The following GSK3B variants were observed in gnomAD, a reference collection of about 807,000 sequenced individuals.
GSK3B encodes the protein glycogen synthase kinase 3 beta.
GSK3B carries 15 observed loss-of-function variants against 56.4 expected under a neutral mutation model. The observed-to-expected ratio is 0.27, with a 90% CI of 0.18 to 0.41. The LOEUF is 0.41. GSK3B is among the 10% of genes least tolerant of loss of function. GSK3B has a pLI of 1.00. For missense variants in GSK3B, 300 were observed against 513.4 expected (o/e 0.58, Z 4.02); for synonymous variants, 181 against 188.9 (o/e 0.96, Z 0.34).
intron 9 of GSK3B, among the ~76,000 whole-genome samples, chr3:119,848,419 G>T (rs1387463065): frequency 6.7e-6 from 1 of 149,754 alleles, no homozygotes; most frequent in Non-Finnish European, 1.5e-5. Context: ...TTCAAGAAAA[G>T]CTTTTTTTTT....
At chr3:119,868,059 A>C (rs1011552396) in intron 8 of GSK3B, among the ~76,000 whole-genome samples, 1 of 152,106 alleles carries the variant, frequency 6.6e-6, no homozygotes, top group Non-Finnish European at 1.5e-5. Flanking sequence ...TAAAAACAAA[A>C]CCAAAAGTAA....
chr3:119,951,266 G>A (rs2057153724), intron 2 of GSK3B, among the ~76,000 whole-genome samples: 1 of 152,164 alleles, frequency 6.6e-6, no homozygotes, highest in Non-Finnish European at 1.5e-5. Context: ...CTCACATATA[G>A]GATCATCAAA....
intron 7 of GSK3B, among the ~76,000 whole-genome samples, chr3:119,901,888 C>CT (rs982359282): frequency 2.0e-5 from 3 of 151,918 alleles, no homozygotes; most frequent in Non-Finnish European, 2.9e-5. Context: ...TATCCACTTT[C>CT]TTTTTTTTGC....
intron 2 of GSK3B, among the ~76,000 whole-genome samples, chr3:119,964,809 T>C (rs568316057): frequency 1.3e-5 from 2 of 152,286 alleles, no homozygotes; most frequent in East Asian, 3.9e-4. Flanking sequence ...AATGAAACTT[T>C]TGGAGGCAAT....
At chr3:119,983,017 A>T (rs1441810081) in intron 2 of GSK3B, among the ~76,000 whole-genome samples, 1 of 152,222 alleles carries the variant, frequency 6.6e-6, no homozygotes, top group Non-Finnish European at 1.5e-5. Flanking sequence ...TCTCGGCAGA[A>T]ACCCTACAAG....
intron 3 of GSK3B, among the ~76,000 whole-genome samples, chr3:119,940,888 C>T (rs754957612): frequency 9.9e-5 from 15 of 152,080 alleles, no homozygotes; most frequent in Admixed American, 2.6e-4. Flanking sequence ...TTCATAGAAC[C>T]GTTGTGAAGA....
chr3:120,038,007 T>C (rs923892007), intron 1 of GSK3B, among the ~76,000 whole-genome samples: 1 of 152,230 alleles, frequency 6.6e-6, no homozygotes, highest in Non-Finnish European at 1.5e-5. Flanking sequence ...TGCAAGATAC[T>C]GTACTAAACA....
At chr3:119,856,535 T>A (rs1012084096) in intron 9 of GSK3B, among the ~76,000 whole-genome samples, 4 of 152,200 alleles carry the variant, frequency 2.6e-5, no homozygotes, top group Non-Finnish European at 4.4e-5. Context: ...GCCTAAAATC[T>A]TGAATACAGT....
At chr3:119,846,123 C>A (rs966756789) in intron 9 of GSK3B, among the ~76,000 whole-genome samples, 9 of 152,160 alleles carry the variant, frequency 5.9e-5, no homozygotes, top group African/African-American at 2.2e-4. Flanking sequence ...TGGACCCCTT[C>A]CTTATACCTT....
intron 1 of GSK3B, among the ~76,000 whole-genome samples, chr3:120,047,583 T>C (rs539614404): frequency 5.3e-5 from 8 of 152,362 alleles, no homozygotes; most frequent in East Asian, 1.9e-4. Flanking sequence ...CTGTGTGCTA[T>C]AGAATATGGT....
chr3:119,890,219 AC>A (rs1346291343), intron 7 of GSK3B, among the ~76,000 whole-genome samples: 5 of 152,056 alleles, frequency 3.3e-5, no homozygotes, highest in African/African-American at 1.2e-4. Context: ...AATAACCAAA[AC>A]CCCAAAACAA....
intron 3 of GSK3B, among the ~76,000 whole-genome samples, chr3:119,925,472 C>T (rs2056881520): frequency 6.6e-6 from 1 of 152,182 alleles, no homozygotes; most frequent in Admixed American, 6.5e-5. Context: ...TGCATCACTA[C>T]AAGCACTAAC....
intron 8 of GSK3B, among the ~76,000 whole-genome samples, chr3:119,868,565 C>T (rs1559815729): frequency 6.6e-6 from 1 of 152,176 alleles, no homozygotes; most frequent in Non-Finnish European, 1.5e-5. Flanking sequence ...CTATGGTTAA[C>T]ATGGATCTCA....
intron 8 of GSK3B, among the ~76,000 whole-genome samples, chr3:119,868,354 T>G (rs1470878941): frequency 6.6e-6 from 1 of 152,158 alleles, no homozygotes; most frequent in African/African-American, 2.4e-5. Context: ...ATTGAACAAA[T>G]GCAAAGAAGT....
chr3:119,902,393 G>C (rs1469511476), intron 7 of GSK3B, among the ~76,000 whole-genome samples: 3 of 151,788 alleles, frequency 2.0e-5, no homozygotes, highest in Non-Finnish European at 4.4e-5. Flanking sequence ...AAAAAGATTT[G>C]ATATTTATTA....
intron 2 of GSK3B, among the ~76,000 whole-genome samples, chr3:119,986,537 C>G (rs115653567): frequency 0.11 from 15,882 of 151,110 alleles, 944 homozygotes; most frequent in African/African-American, 0.17. Flanking sequence ...TGAACAGAAA[C>G]TTGTCAAAAG....
At chr3:120,063,273 T>TA (rs2058252393) in intron 1 of GSK3B, among the ~76,000 whole-genome samples, 1 of 152,242 alleles carries the variant, frequency 6.6e-6, no homozygotes, top group South Asian at 2.1e-4. Context: ...TGTGCACTTC[T>TA]ATACTGTTTT....
chr3:120,043,580 T>G (rs1029227285), intron 1 of GSK3B, among the ~76,000 whole-genome samples: 1 of 152,220 alleles, frequency 6.6e-6, no homozygotes, highest in Non-Finnish European at 1.5e-5. Flanking sequence ...TTGAGAGATA[T>G]GTTCCCAATG....
chr3:119,989,750 C>A (rs2057547124), intron 2 of GSK3B, among the ~76,000 whole-genome samples: 1 of 152,038 alleles, frequency 6.6e-6, no homozygotes, highest in African/African-American at 2.4e-5. Flanking sequence ...ATTCCTGAGC[C>A]CCCTTCTAAT....
Sources: gnomAD v4.1 joint callset for allele counts (sites outside exome capture counted in the v4.1 genomes callset) on GRCh38, gnomAD v4.1.1 for gene constraint, MANE v1.5 for transcripts, NCBI Gene and HGNC (gene_info 2026-07-23, HGNC 2026-07-21) for gene names.